The following AGBL3 variants were observed in gnomAD, a reference collection of about 807,000 sequenced individuals.
AGBL3 encodes the protein AGBL carboxypeptidase 3, also known as cytosolic carboxypeptidase 3.
A neutral mutation model predicts 94.5 loss-of-function variants in AGBL3; 68 were observed. The ratio of observed to expected loss-of-function variants is 0.72; its 90% CI spans 0.59 to 0.88. The LOEUF (loss-of-function observed/expected upper bound fraction) is 0.88, where lower values mean the gene tolerates loss of function less well. Among genes scored for constraint, AGBL3 ranks in the 40% least tolerant of loss-of-function variants. The probability of loss-of-function intolerance (pLI) is 0.00; values close to 1 mark genes in which losing one functional copy is unlikely to be tolerated. For missense variants in AGBL3, 934 were observed against 1,103.8 expected (o/e 0.85, Z 2.18); for synonymous variants, 354 against 370.7 (o/e 0.95, Z 0.52).
chr7:135,107,538 T>A (rs147426342), intron 15 of AGBL3, among the ~76,000 whole-genome samples: 140 of 152,344 alleles, frequency 9.2e-4, no homozygotes, highest in Non-Finnish European at 1.7e-3. Flanking sequence ...GCAAATTTTT[T>A]AAATCTTGAT....
At chr7:135,094,218 G>A (rs751275267) in intron 15 of AGBL3, 1 of 361,880 alleles carries the variant, frequency 2.8e-6, no homozygotes, top group Non-Finnish European at 5.4e-6. Flanking sequence ...AATAATGCTT[G>A]AAAGTCAACA....
chr7:134,994,240 ATCT>A (rs1810680498), intron 4 of AGBL3, among the ~76,000 whole-genome samples: 1 of 151,874 alleles, frequency 6.6e-6, no homozygotes, highest in Non-Finnish European at 1.5e-5. Context: ...GTGTATCTTT[ATCT>A]TCTTTTACCA....
chr7:135,098,419 G>A (rs1251150757), intron 15 of AGBL3, among the ~76,000 whole-genome samples: 1 of 152,124 alleles, frequency 6.6e-6, no homozygotes, highest in Non-Finnish European at 1.5e-5. Flanking sequence ...TATTGTTTAG[G>A]GAATGATGAC....
intron 4 of AGBL3, among the ~76,000 whole-genome samples, chr7:135,015,688 T>G (rs1224918965): frequency 1.3e-5 from 2 of 151,946 alleles, no homozygotes; most frequent in Non-Finnish European, 2.9e-5. Context: ...TTTTCTTAAC[T>G]GAGAAGTCTG....
chr7:135,132,508 G>A (rs1227023826), intron 16 of AGBL3, among the ~76,000 whole-genome samples: 1 of 152,034 alleles, frequency 6.6e-6, no homozygotes, highest in Non-Finnish European at 1.5e-5. Flanking sequence ...GGAATAAAGG[G>A]GATCTTACTC....
chr7:135,064,805 T>C (rs906384452), intron 12 of AGBL3, among the ~76,000 whole-genome samples: 11 of 152,232 alleles, frequency 7.2e-5, no homozygotes, highest in African/African-American at 2.7e-4. Context: ...CTCTCTCCAT[T>C]GCAAGAGGCA....
chr7:135,045,415 CCTG>C lies in AGBL3; in HGVS notation c.1628-56_1628-54del, dbSNP rs1327683295. On this transcript the variant is annotated intron_variant, in intron 9 of 16. Coordinates refer to ENST00000436302, the MANE Select transcript of AGBL3 (RefSeq NM_178563.4). Reference sequence around the variant, plus strand: ...TTTGTTTATAGTGTTTTGCAATGTACCTGCTAAGAAAAATTATTAACTTACCCT... The same window carrying C: ...TTTGTTTATAGTGTTTTGCAATGTACCTAAGAAAAATTATTAACTTACCCT... 22 of 1,348,996 alleles carry C rather than the reference CCTG, an allele frequency of 1.6e-5. No homozygotes were observed. In the East Asian group the frequency reaches 5.0e-4, roughly 31 times the overall value. 83.6% of individuals were successfully genotyped at this position (1,348,996 alleles called of 1,614,324 possible). A position where few individuals can be genotyped will look rare whatever the true frequency, so the allele number is the denominator to read the frequency against.
Position 135,135,497 on chromosome 7 carries a change from G to GC in AGBL3, c.*236_*237insC. The GC allele has an allele frequency of 3.3e-6, 1 of 302,776 alleles. No individual in the cohort carries two copies. Among genetic ancestry groups the GC allele is most frequent in the Non-Finnish European group, 5.8e-6 (1 of 172,230 alleles). The allele number at this position is 302,776 out of a possible 1,614,324, so 18.8% of individuals were successfully genotyped here. On this transcript the variant is annotated 3_prime_UTR_variant, in exon 17 of 17. Coordinates refer to ENST00000436302, the MANE Select transcript of AGBL3 (RefSeq NM_178563.4). ...ATATTAAAGCAGATATTTATATTTA[G>GC]TTTTTATCAGCATGGAAAAAAATCT...
intron 4 of AGBL3, among the ~76,000 whole-genome samples, chr7:135,005,445 T>C (rs1327425922): frequency 6.6e-6 from 1 of 151,678 alleles, no homozygotes; most frequent in East Asian, 1.9e-4. Flanking sequence ...ACAATGTTGA[T>C]GAAGTAAATA....
At chr7:135,089,811 G>T (rs1244986569) in intron 15 of AGBL3, among the ~76,000 whole-genome samples, 2 of 152,204 alleles carry the variant, frequency 1.3e-5, no homozygotes, top group Non-Finnish European at 2.9e-5. Context: ...ACAAGCAGCT[G>T]CAGTGGTGTG....
chr7:135,129,560 G>C (rs1828439653), intron 16 of AGBL3: 10 of 772,216 alleles, frequency 1.3e-5, no homozygotes, highest in South Asian at 1.2e-4. Context: ...ATTTCTGTTG[G>C]ATTTGCATGA....
chr7:135,096,763 G>GAAAT (rs1471344517), intron 15 of AGBL3, among the ~76,000 whole-genome samples: 1 of 144,788 alleles, frequency 6.9e-6, no homozygotes, highest in African/African-American at 2.6e-5. Flanking sequence ...AAGAAAGAAA[G>GAAAT]AAAGAAAGAA....
At chr7:135,094,590 G>C in intron 15 of AGBL3, 2 of 454,926 alleles carry the variant, frequency 4.4e-6, no homozygotes, top group Non-Finnish European at 8.8e-6. Flanking sequence ...GCTCTGGAAA[G>C]GGGAGAAGAA....
At chr7:135,043,081 C>T (rs1482463186) in intron 8 of AGBL3, among the ~76,000 whole-genome samples, 1 of 152,152 alleles carries the variant, frequency 6.6e-6, no homozygotes, top group African/African-American at 2.4e-5. Context: ...TTTTGAACAT[C>T]TCCAACACTA....
chr7:135,087,280 A>C (rs898710071), intron 15 of AGBL3, among the ~76,000 whole-genome samples: 1 of 151,712 alleles, frequency 6.6e-6, no homozygotes, highest in African/African-American at 2.4e-5. Flanking sequence ...TTCAAAAAAA[A>C]CCAACTTTTC....
intron 6 of AGBL3, among the ~76,000 whole-genome samples, chr7:135,033,220 A>G (rs1180157871): frequency 1.3e-5 from 2 of 152,256 alleles, no homozygotes; most frequent in South Asian, 2.1e-4. Flanking sequence ...CAGTATGGCA[A>G]TATGAATTGT....
intron 4 of AGBL3, among the ~76,000 whole-genome samples, chr7:135,005,406 A>T (rs1371206656): frequency 6.6e-6 from 1 of 151,758 alleles, no homozygotes; most frequent in East Asian, 1.9e-4. Context: ...CTAACAAAAC[A>T]TGTATAAGAC....
At chr7:135,079,659 G>A (rs1054365962) in intron 13 of AGBL3, among the ~76,000 whole-genome samples, 1 of 151,194 alleles carries the variant, frequency 6.6e-6, no homozygotes, top group Non-Finnish European at 1.5e-5. Flanking sequence ...GTAGAGGCGG[G>A]GTTTCACCAT....
chr7:135,096,722 G>A (rs1822879338), intron 15 of AGBL3, among the ~76,000 whole-genome samples: 1 of 74,136 alleles, frequency 1.3e-5, no homozygotes, highest in Non-Finnish European at 2.8e-5. Context: ...GAAAGAAAGA[G>A]AAGAAAGAAA....
Sources: gnomAD v4.1 joint callset for allele counts (sites outside exome capture counted in the v4.1 genomes callset) on GRCh38, gnomAD v4.1.1 for gene constraint, MANE v1.5 for transcripts, NCBI Gene and HGNC (gene_info 2026-07-23, HGNC 2026-07-21) for gene names.